The following ZNF365 variants were observed in gnomAD, a reference collection of about 807,000 sequenced individuals.
The protein encoded by ZNF365 is protein ZNF365.
In ZNF365, 22 loss-of-function variants were observed where a neutral mutation model predicts 35.0. The observed-to-expected ratio is 0.63, with a 90% CI of 0.45 to 0.90. The LOEUF is 0.90. Among genes scored for constraint, ZNF365 ranks in the 40% least tolerant of loss-of-function variants. The probability of loss-of-function intolerance (pLI) is 0.00; values close to 1 mark genes in which losing one functional copy is unlikely to be tolerated. For synonymous variants in ZNF365, 188 were observed against 196.2 expected, an observed-to-expected ratio of 0.96 and a Z score of 0.35; for missense variants, 448 against 500.3, an observed-to-expected ratio of 0.90 and a Z score of 1.00.
At chr10:62,422,139 G>A (rs1009988368) in intron 3 of ZNF365, among the ~76,000 whole-genome samples, 1 of 152,154 alleles carries the variant, frequency 6.6e-6, no homozygotes, top group Non-Finnish European at 1.5e-5. Context: ...GGCTGTGTGA[G>A]TAGGAAGGAA....
At chr10:62,386,711 G>A (rs2132416046) in intron 2 of ZNF365, among the ~76,000 whole-genome samples, 1 of 152,214 alleles carries the variant, frequency 6.6e-6, no homozygotes, top group East Asian at 1.9e-4. Flanking sequence ...AGAGCTGGAG[G>A]TCACTACCAG....
intron 3 of ZNF365, among the ~76,000 whole-genome samples, chr10:62,396,292 C>G (rs1301837459): frequency 6.6e-6 from 1 of 152,194 alleles, no homozygotes; most frequent in Non-Finnish European, 1.5e-5. Context: ...TGAAGCCTTG[C>G]TCAGGCTTGG....
At position 62,466,865 on chromosome 10, in the gene ZNF365, G is replaced by T. The variant is rs183862727; in HGVS notation, c.981+7068G>T. On this transcript the variant is annotated intron_variant, in intron 4 of 4. Transcript: ENST00000395255. Reference sequence around the variant, plus strand: ...TGCCCAGGCTGGAGTATAGTGGTATGATCACGGCTCACTATAACTTTGACC... The same window carrying T: ...TGCCCAGGCTGGAGTATAGTGGTATTATCACGGCTCACTATAACTTTGACC... Among the ~76,000 whole-genome samples, 9 of 152,242 alleles carry T rather than the reference G, an allele frequency of 5.9e-5. No individual in the cohort carries two copies. The East Asian group carries it at 1.7e-3, about 29-fold the overall frequency.
intron 3 of ZNF365, among the ~76,000 whole-genome samples, chr10:62,448,191 T>A (rs990213481): frequency 3.3e-5 from 5 of 152,232 alleles, no homozygotes; most frequent in African/African-American, 1.2e-4. Flanking sequence ...TTGTTTACAG[T>A]GGGCTTTCTT....
At chr10:62,437,343 T>A (rs186625653) in intron 3 of ZNF365, among the ~76,000 whole-genome samples, 78 of 152,346 alleles carry the variant, frequency 5.1e-4, no homozygotes, top group Non-Finnish European at 8.8e-5. Flanking sequence ...AAAGTTGATC[T>A]ATATCAAGCT....
intron 1 of ZNF365, among the ~76,000 whole-genome samples, 157 bp downstream of exon 1, chr10:62,374,615 G>C (rs1204624388): frequency 1.3e-5 from 2 of 152,140 alleles, no homozygotes; most frequent in African/African-American, 4.8e-5. Flanking sequence ...ATGTGCACAC[G>C]AATCCACTCT....
intron 2 of ZNF365, among the ~76,000 whole-genome samples, chr10:62,383,012 A>T (rs974435807): frequency 2.6e-5 from 4 of 152,016 alleles, no homozygotes; most frequent in Admixed American, 6.6e-5. Context: ...TTTAGATCCC[A>T]CCCCCTACTC....
intron 3 of ZNF365, among the ~76,000 whole-genome samples, chr10:62,416,711 T>TTTTG (rs549953901): frequency 3.9e-4 from 59 of 152,050 alleles, no homozygotes; most frequent in Non-Finnish European, 6.2e-4. Context: ...TTTTGGTGTT[T>TTTTG]TTTGTTTGTT....
intron 3 of ZNF365, among the ~76,000 whole-genome samples, chr10:62,395,079 G>A (rs1362351446): frequency 6.6e-6 from 1 of 152,128 alleles, no homozygotes; most frequent in Non-Finnish European, 1.5e-5. Flanking sequence ...AGCTGTCCTC[G>A]GTGTGGCTGA....
chr10:62,467,484 G>T (rs1376364177), intron 4 of ZNF365, among the ~76,000 whole-genome samples: 1 of 152,232 alleles, frequency 6.6e-6, no homozygotes, highest in Non-Finnish European at 1.5e-5. Context: ...CAATCTGTTA[G>T]ACCCCTCAGA....
intron 3 of ZNF365, among the ~76,000 whole-genome samples, chr10:62,395,606 G>A (rs1316166818): frequency 1.3e-5 from 2 of 148,580 alleles, no homozygotes; most frequent in East Asian, 2.0e-4. Flanking sequence ...ATCTGCCCAC[G>A]TCGGCCTCCT....
Position 62,400,171 on chromosome 10 carries a change from A to T in ZNF365, c.*382A>T, listed in dbSNP as rs1179328068. ...CTAGGGAGAAAATTCATCTGTGCCC[A>T]CTGCTCTCCAAAGTGCGAGGCAAGG... On this transcript the variant is annotated 3_prime_UTR_variant, in exon 5 of 5. Coordinates refer to ENST00000395254, the MANE Select transcript of ZNF365 (RefSeq NM_014951.3). 4.9e-6 allele frequency: 5 copies of T among 1,015,654 alleles called. No homozygotes were observed. The African/African-American group carries it at 8.6e-5, about 17-fold the overall frequency. 62.9% of individuals were successfully genotyped at this position (1,015,654 alleles called of 1,614,324 possible).
At chr10:62,471,576 T>G (rs1463349769) in intron 4 of ZNF365, among the ~76,000 whole-genome samples, 2 of 152,186 alleles carry the variant, frequency 1.3e-5, no homozygotes, top group Non-Finnish European at 2.9e-5. Context: ...TTTAAAAATT[T>G]TAAATTGTTG....
intron 3 of ZNF365, among the ~76,000 whole-genome samples, chr10:62,452,067 C>T (rs1840691874): frequency 1.3e-5 from 2 of 152,172 alleles, no homozygotes; most frequent in African/African-American, 2.4e-5. Flanking sequence ...AGTTGTGATT[C>T]CCGAAGGTCT....
Position 62,401,750 on chromosome 10 carries a change from G to A in ZNF365, c.*1961G>A, listed in dbSNP as rs1183371791. ...TGTAATGTGTGTGCAATGACAACTT[G>A]TTTCTGTTTTATTTAAAGTAACTGA... On this transcript the variant is annotated 3_prime_UTR_variant, in exon 5 of 5. Transcript: ENST00000395254. The A allele has an allele frequency of 4.1e-6, 4 of 985,316 alleles. No individual in the cohort carries two copies. The highest frequency in any genetic ancestry group is 6.2e-5 in the Admixed American group (1 of 16,258). 61.0% of individuals were successfully genotyped at this position (985,316 alleles called of 1,614,324 possible).
At chr10:62,457,895 T>C (rs968664333) in intron 3 of ZNF365, among the ~76,000 whole-genome samples, 10 of 152,204 alleles carry the variant, frequency 6.6e-5, no homozygotes, top group African/African-American at 2.2e-4. Context: ...CAGAGAATCA[T>C]GCAAATGACT....
chr10:62,384,411 T>C (rs1202303106), intron 2 of ZNF365, among the ~76,000 whole-genome samples: 1 of 152,240 alleles, frequency 6.6e-6, no homozygotes, highest in Non-Finnish European at 1.5e-5. Flanking sequence ...CCTTCTTTCA[T>C]TGTTTGACTC....
intron 3 of ZNF365, among the ~76,000 whole-genome samples, chr10:62,415,166 T>C (rs928535507): frequency 6.6e-6 from 1 of 152,178 alleles, no homozygotes; most frequent in Non-Finnish European, 1.5e-5. Context: ...TTCTATTGCA[T>C]GTTTTTTTTC....
At position 62,396,394 on chromosome 10, in the gene ZNF365, G is replaced by A. The variant is rs142553269; in HGVS notation, c.925-2346G>A. ...ACTTAACTCTGCTGCCTTAGCTTCC[G>A]TATCTCTAAAATTGGAATGATGATG... On this transcript the variant is annotated intron_variant, in intron 3 of 4. Transcript: ENST00000395254. 1.2e-4 allele frequency among the ~76,000 whole-genome samples: 19 copies of A among 152,286 alleles called. No homozygotes were observed. In the East Asian group the frequency reaches 1.7e-3, roughly 14 times the overall value.
Sources: allele counts gnomAD v4.1 joint callset (sites outside exome capture counted in the v4.1 genomes callset), GRCh38; gene constraint gnomAD v4.1.1; transcripts MANE v1.5; gene names NCBI Gene and HGNC (gene_info 2026-07-23, HGNC 2026-07-21).